GRXCR1: variants seen among roughly 807,000 people sequenced by gnomAD.
The protein encoded by GRXCR1 is glutaredoxin domain-containing cysteine-rich protein 1.
Under a neutral mutation model 27.3 loss-of-function variants are expected in GRXCR1, and 27 were observed. That is an observed-to-expected ratio of 0.99 (90% CI 0.73 to 1.37). GRXCR1 has a LOEUF of 1.37. GRXCR1 is among the 40% of genes most tolerant of loss of function. The pLI, the probability that GRXCR1 is intolerant of heterozygous loss-of-function variation, is 0.00. For synonymous variants in GRXCR1, 122 were observed against 131.1 expected (o/e 0.93, Z 0.47); for missense variants, 379 against 354.4 (o/e 1.07, Z -0.56).
chr4:42,987,229 T>A (rs71624497), intron 2 of GRXCR1, among the ~76,000 whole-genome samples: 19 of 92,234 alleles, frequency 2.1e-4, no homozygotes, highest in Non-Finnish European at 8.6e-5. Flanking sequence ...ATATTATATA[T>A]TATATATATA....
intron 1 of GRXCR1, among the ~76,000 whole-genome samples, chr4:42,931,564 T>C (rs758924508): frequency 2.8e-5 from 4 of 141,678 alleles, no homozygotes; most frequent in Non-Finnish European, 6.2e-5. Context: ...ATAGCCTCTT[T>C]GGGTCCTTTC....
chr4:42,923,614 A>T (rs1450916), intron 1 of GRXCR1, among the ~76,000 whole-genome samples: 108,467 of 152,014 alleles, frequency 0.71, 39,049 homozygotes, highest in Non-Finnish European at 0.74. Context: ...ATCCAAGTTA[A>T]CAATTTAATT....
chr4:43,024,196 C>CTTTTT (rs1713181576), intron 3 of GRXCR1, among the ~76,000 whole-genome samples: 5 of 22,344 alleles, frequency 2.2e-4, no homozygotes, highest in Non-Finnish European at 4.0e-4. Context: ...CATTTTCTGT[C>CTTTTT]CTTTTTTTTT....
intron 3 of GRXCR1, among the ~76,000 whole-genome samples, chr4:43,028,004 G>T (rs1713308571): frequency 6.6e-6 from 1 of 152,098 alleles, no homozygotes; most frequent in South Asian, 2.1e-4. Flanking sequence ...AGCTTCTTGG[G>T]AGGCTGAGGC....
intron 1 of GRXCR1, among the ~76,000 whole-genome samples, chr4:42,895,369 A>G (rs1303194427): frequency 6.6e-6 from 1 of 152,130 alleles, no homozygotes; most frequent in South Asian, 2.1e-4. Context: ...AGGTCCTTCA[A>G]GGTCTCTGGT....
chr4:43,025,063 G>T (rs1713209870), intron 3 of GRXCR1, among the ~76,000 whole-genome samples: 1 of 152,126 alleles, frequency 6.6e-6, no homozygotes, highest in Non-Finnish European at 1.5e-5. Flanking sequence ...GAAGACTCTT[G>T]ATCTTAGCAT....
At chr4:42,959,153 C>T (rs980266367) in intron 1 of GRXCR1, among the ~76,000 whole-genome samples, 3 of 151,784 alleles carry the variant, frequency 2.0e-5, no homozygotes, top group Non-Finnish European at 4.4e-5. Flanking sequence ...TTTACAATTG[C>T]CAAGATATAG....
intron 2 of GRXCR1, among the ~76,000 whole-genome samples, chr4:43,013,560 A>G (rs540475086): frequency 1.8e-4 from 27 of 152,326 alleles, no homozygotes; most frequent in Admixed American, 6.5e-4. Context: ...GTGATCAGTT[A>G]TACCCCAAAC....
chr4:42,955,924 C>T (rs1391193697), intron 1 of GRXCR1, among the ~76,000 whole-genome samples: 1 of 152,072 alleles, frequency 6.6e-6, no homozygotes, highest in Non-Finnish European at 1.5e-5. Flanking sequence ...CCGTGCTGAT[C>T]TTCTGTGGGG....
intron 2 of GRXCR1, among the ~76,000 whole-genome samples, chr4:42,965,054 T>A (rs1748207147): frequency 6.6e-6 from 1 of 152,066 alleles, no homozygotes; most frequent in Non-Finnish European, 1.5e-5. Flanking sequence ...TGGCTGTTCT[T>A]ATTCGGAAGC....
At chr4:42,934,736 G>T (rs1041536719) in intron 1 of GRXCR1, among the ~76,000 whole-genome samples, 3 of 151,786 alleles carry the variant, frequency 2.0e-5, no homozygotes, top group Non-Finnish European at 4.4e-5. Flanking sequence ...CAATAATAAG[G>T]GCCACATATA....
chr4:43,010,352 G>A (rs377058654), intron 2 of GRXCR1, among the ~76,000 whole-genome samples: 1 of 150,508 alleles, frequency 6.6e-6, no homozygotes, highest in Non-Finnish European at 1.5e-5. Flanking sequence ...GCAGTGAGCC[G>A]AGATCGCACC....
chr4:42,986,994 ATATGTG>A (rs1560676544), intron 2 of GRXCR1, among the ~76,000 whole-genome samples: 1 of 117,086 alleles, frequency 8.5e-6, no homozygotes, highest in Non-Finnish European at 1.7e-5. Context: ...AATTTAAGAG[ATATGTG>A]TATGTGTGTG....
At chr4:43,016,185 C>T (rs150594325) in intron 2 of GRXCR1, among the ~76,000 whole-genome samples, 1 of 152,308 alleles carries the variant, frequency 6.6e-6, no homozygotes, top group East Asian at 1.9e-4. Context: ...GCTGTCTCAC[C>T]TATGTTCCTT....
chr4:43,006,378 C>T (rs1712558907), intron 2 of GRXCR1, among the ~76,000 whole-genome samples: 1 of 152,132 alleles, frequency 6.6e-6, no homozygotes, highest in Non-Finnish European at 1.5e-5. Context: ...CTTTCAAAAG[C>T]AAATGGGAGA....
chr4:42,995,494 A>C (rs1352784271), intron 2 of GRXCR1, among the ~76,000 whole-genome samples: 1 of 152,172 alleles, frequency 6.6e-6, no homozygotes, highest in Non-Finnish European at 1.5e-5. Flanking sequence ...TCTTTGCTAG[A>C]AAGAGATAAT....
chr4:42,999,499 C>T (rs781015335), intron 2 of GRXCR1, among the ~76,000 whole-genome samples: 5 of 152,216 alleles, frequency 3.3e-5, no homozygotes, highest in Non-Finnish European at 5.9e-5. Context: ...TCTCTTCCAT[C>T]CACTCCCCTT....
chr4:42,946,214 T>G (rs1340427008), intron 1 of GRXCR1, among the ~76,000 whole-genome samples: 1 of 152,156 alleles, frequency 6.6e-6, no homozygotes, highest in Non-Finnish European at 1.5e-5. Flanking sequence ...AGGAGGAAAT[T>G]AGTCATCATC....
chr4:42,988,914 C>G (rs943782063), intron 2 of GRXCR1, among the ~76,000 whole-genome samples: 3 of 152,118 alleles, frequency 2.0e-5, no homozygotes, highest in Non-Finnish European at 2.9e-5. Context: ...TAAAATTTCT[C>G]TCTATTATAA....
Sources: allele counts gnomAD v4.1 joint callset (sites outside exome capture counted in the v4.1 genomes callset), GRCh38; gene constraint gnomAD v4.1.1; transcripts MANE v1.5; gene names NCBI Gene and HGNC (gene_info 2026-07-23, HGNC 2026-07-21).